Variants in SLC6A12 observed in about 807,000 individuals in gnomAD.
The protein encoded by SLC6A12 is sodium- and chloride-dependent betaine transporter.
In SLC6A12, 50 loss-of-function variants were observed where a neutral mutation model predicts 73.3. The ratio of observed to expected loss-of-function variants is 0.68; its 90% CI spans 0.54 to 0.86. The LOEUF (loss-of-function observed/expected upper bound fraction) is 0.86, where lower values mean the gene tolerates loss of function less well. SLC6A12 is among the 40% of genes least tolerant of loss of function. The probability of loss-of-function intolerance (pLI) is 0.00; values close to 1 mark genes in which losing one functional copy is unlikely to be tolerated. For missense variants in SLC6A12, 648 were observed against 772.8 expected, an observed-to-expected ratio of 0.84 and a Z score of 1.92; for synonymous variants, 304 against 309.2, an observed-to-expected ratio of 0.98 and a Z score of 0.18.
intron 3 of SLC6A12, among the ~76,000 whole-genome samples, chr12:206,623 C>A (rs909320011): frequency 2.6e-5 from 4 of 152,218 alleles, no homozygotes; most frequent in African/African-American, 9.7e-5. Flanking sequence ...CTTCTGGATC[C>A]CAGGGAGCCA....
intron 4 of SLC6A12, chr12:203,181 C>T (rs1466142028): frequency 4.8e-6 from 1 of 207,002 alleles, no homozygotes; most frequent in Admixed American, 5.9e-5. Flanking sequence ...ATCCTCCCAC[C>T]TCAGCCTCCG....
chr12:190,046 CAGAAACGG>C (rs147709784), downstream of SLC6A12: 2,643 of 152,550 alleles, frequency 0.017, 67 homozygotes, highest in African/African-American at 0.056. Context: ...CATAGCTCAA[CAGAAACGG>C]AGCAAGGCAA....
intron 4 of SLC6A12, among the ~76,000 whole-genome samples, 179 bp from the exon 5 acceptor site, chr12:203,059 C>CTTTTTTTTTTTTTTTTTT (rs10582500): frequency 7.3e-5 from 5 of 68,330 alleles, no homozygotes; most frequent in African/African-American, 2.5e-4. Flanking sequence ...TTTTTCTTTT[C>CTTTTTTTTTTTTTTTTTT]TTTTTTTTTT....
At chr12:201,584 G>A in intron 6 of SLC6A12, 178 bp downstream of exon 6, 3 of 609,600 alleles carry the variant, frequency 4.9e-6, no homozygotes, top group Non-Finnish European at 8.9e-6. Context: ...GGACCCGTGT[G>A]GGTAGATGTG....
chr12:192,142 G>A (rs949079111), intron 15 of SLC6A12, among the ~76,000 whole-genome samples: 2 of 152,190 alleles, frequency 1.3e-5, no homozygotes, highest in African/African-American at 4.8e-5. Flanking sequence ...GGAATCTATA[G>A]TCTTGTAAAC....
chr12:187,591 A>AC (rs1565461286), downstream of SLC6A12, among the ~76,000 whole-genome samples: 20 of 4,572 alleles, frequency 4.4e-3, no homozygotes, highest in Non-Finnish European at 5.9e-3. Context: ...CAAAAGAGCA[A>AC]AAAAAAAAAA....
In SLC6A12 at chr12:193,175, G is replaced by A. The variant is rs570518599; in HGVS notation, c.1530+102C>T. 10 of 827,026 alleles carry A rather than the reference G, an allele frequency of 1.2e-5. No homozygotes were observed. The African/African-American group carries it at 1.7e-4, about 14-fold the overall frequency. 51.2% of individuals were successfully genotyped at this position (827,026 alleles called of 1,614,324 possible). A position where few individuals can be genotyped will look rare whatever the true frequency, so the allele number is the denominator to read the frequency against. ...AATGGACCAGGCCCCACGGGAGACT[G>A]GACAGGTGGGGAAAGAGCCCTGCAT... is the stretch of plus-strand genomic sequence containing the variant. On this transcript the variant is annotated intron_variant, in intron 14 of 15. Coordinates refer to ENST00000684302, the MANE Select transcript of SLC6A12 (RefSeq NM_001122848.3).
At chr12:191,327 G>A (rs966676031) in intron 15 of SLC6A12, 116 bp from the exon 16 acceptor site, 2 of 822,230 alleles carry the variant, frequency 2.4e-6, no homozygotes, top group Non-Finnish European at 3.3e-6. Flanking sequence ...GCACCGCACA[G>A]TATGAGTGAG....
At chr12:210,446 C>T (rs901890692) in intron 2 of SLC6A12, 9 of 1,027,318 alleles carry the variant, frequency 8.8e-6, no homozygotes, top group African/African-American at 3.4e-5. Context: ...CAAAGCCTGC[C>T]GAGGTAGCAA....
downstream of SLC6A12, among the ~76,000 whole-genome samples, chr12:188,830 G>C (rs956051318): frequency 2.6e-5 from 4 of 152,164 alleles, no homozygotes; most frequent in Admixed American, 6.5e-5. Context: ...GAGAGGTGAG[G>C]TTGGCCCGAA....
At chr12:206,429 G>C (rs1007500558) in intron 3 of SLC6A12, among the ~76,000 whole-genome samples, 1 of 152,186 alleles carries the variant, frequency 6.6e-6, no homozygotes, top group Admixed American at 6.5e-5. Context: ...TGAAGGCTAC[G>C]TACTATTCCC....
At chr12:184,849 C>T in the SLC6A12 span, among the ~76,000 whole-genome samples, 1 of 151,968 alleles carries the variant, frequency 6.6e-6, no homozygotes, top group Non-Finnish European at 1.5e-5. Context: ...AGGAGAATCA[C>T]TTGAACCCAG....
downstream of SLC6A12, among the ~76,000 whole-genome samples, chr12:189,862 C>T (rs1482542072): frequency 6.6e-6 from 1 of 152,184 alleles, no homozygotes; most frequent in East Asian, 1.9e-4. Context: ...CTCACAGACT[C>T]CGTGCATTCC....
chr12:200,271 G>C (rs578037442), intron 7 of SLC6A12, among the ~76,000 whole-genome samples: 2 of 151,062 alleles, frequency 1.3e-5, no homozygotes, highest in East Asian at 3.9e-4. Flanking sequence ...ACCACGCCCG[G>C]CTAATTTTTT....
chr12:191,484 A>G (rs1939596198), intron 15 of SLC6A12, among the ~76,000 whole-genome samples: 1 of 152,152 alleles, frequency 6.6e-6, no homozygotes, highest in South Asian at 2.1e-4. Flanking sequence ...AATCCCCCTC[A>G]ATTTTCTTAC....
chr12:191,115 G>T lies in SLC6A12; in HGVS notation c.1798C>A (p.Pro600Thr). ...CCGGCTATCAGTCCTTCCCTTGTTG[G>T]GGAGGGCCCAAAGTTCCGGCCAGCA... ...GSAGRNFGPS[P>T]TREGLIAGEK... The change falls in exon 16 of 16, where the codon CCA (proline) becomes ACA (threonine). Residue 600 changes from proline (P) to threonine (T), a missense_variant. Pro to Thr is a conservative substitution (Grantham distance 38, BLOSUM62 -1). Transcript: ENST00000684302. The T allele has an allele frequency of 7.4e-7, 1 of 1,356,384 alleles. No homozygotes were observed. Among genetic ancestry groups the T allele is most frequent in the Non-Finnish European group, 9.6e-7 (1 of 1,041,028 alleles). 84.0% of individuals were successfully genotyped at this position (1,356,384 alleles called of 1,614,324 possible).
At chr12:187,432 T>C (rs1300404225), downstream of SLC6A12, among the ~76,000 whole-genome samples, 2 of 151,806 alleles carry the variant, frequency 1.3e-5, no homozygotes, top group Non-Finnish European at 2.9e-5. Context: ...GCTACAACTC[T>C]GAAGGCGGCG....
chr12:186,717 G>C (rs566734743), downstream of SLC6A12, among the ~76,000 whole-genome samples: 15 of 152,334 alleles, frequency 9.8e-5, no homozygotes, highest in Admixed American at 4.6e-4. Flanking sequence ...CTGCCACGTG[G>C]GCGCTGCTGA....
chr12:187,924 A>C (rs1328601947), downstream of SLC6A12, among the ~76,000 whole-genome samples: 3 of 152,174 alleles, frequency 2.0e-5, no homozygotes, highest in Non-Finnish European at 4.4e-5. Flanking sequence ...TGAGCTAGAC[A>C]CAGGGTGCTG....
Sources: allele counts gnomAD v4.1 joint callset (sites outside exome capture counted in the v4.1 genomes callset), GRCh38; gene constraint gnomAD v4.1.1; transcripts MANE v1.5; gene names NCBI Gene and HGNC (gene_info 2026-07-23, HGNC 2026-07-21).